The following ZNF614 variants were observed in gnomAD, a reference collection of about 807,000 sequenced individuals.
ZNF614 encodes zinc finger protein 614.
In ZNF614, 11 loss-of-function variants were observed where a neutral mutation model predicts 12.8. The observed-to-expected ratio is 0.86, with a 90% confidence interval of 0.54 to 1.43. ZNF614 has a LOEUF of 1.43. ZNF614 is among the 40% of genes most tolerant of loss of function. ZNF614 has a pLI of 0.00. For synonymous variants in ZNF614, 237 were observed against 237.5 expected, an observed-to-expected ratio of 1.00 and a Z score of 0.02; for missense variants, 664 against 708.8, an observed-to-expected ratio of 0.94 and a Z score of 0.72.
chr19:52,018,598 T>C (rs2086915685), intron 2 of ZNF614, 104 bp from the exon 3 acceptor site: 2 of 1,219,252 alleles, frequency 1.6e-6, no homozygotes, highest in African/African-American at 3.1e-5. Context: ...TGCATCTATA[T>C]TCCTTTCTCA....
intron 2 of ZNF614, among the ~76,000 whole-genome samples, chr19:52,023,933 G>A (rs575909172): frequency 6.6e-6 from 1 of 152,262 alleles, no homozygotes; most frequent in East Asian, 1.9e-4. Flanking sequence ...CCTGACCTCT[G>A]TGGAAGGGAG....
At chr19:52,026,604 GACCGTCCCCTACCCCGAC>G (rs1279264837) in intron 1 of ZNF614, among the ~76,000 whole-genome samples, 1 of 152,176 alleles carries the variant, frequency 6.6e-6, no homozygotes. Flanking sequence ...GGAAAGACCT[GACCGTCCCCTACCCCGAC>G]ACCTGTAAAG....
chr19:52,015,721 GGCA>G lies in ZNF614; in HGVS notation c.*116_*118del. ...GAGGACAGACACACATCTGTCAACA[GGCA>G]GCACCATGTTTATGTTCCAATTGGC... On this transcript the variant is annotated 3_prime_UTR_variant, in exon 5 of 5. Transcript: ENST00000270649. 1 of 958,434 alleles carries G rather than the reference GGCA, an allele frequency of 1.0e-6. No homozygotes were observed. The highest frequency in any genetic ancestry group is 1.6e-5 in the South Asian group (1 of 61,770). 59.4% of individuals were successfully genotyped at this position (958,434 alleles called of 1,614,324 possible). A position where few individuals can be genotyped will look rare whatever the true frequency, so the allele number is the denominator to read the frequency against.
At chr19:52,022,432 G>A (rs943166894) in intron 2 of ZNF614, among the ~76,000 whole-genome samples, 2 of 152,032 alleles carry the variant, frequency 1.3e-5, no homozygotes, top group African/African-American at 2.4e-5. Context: ...CCTGGCCCCC[G>A]CAACGTCTGG....
intron 3 of ZNF614, 22 bp downstream of exon 3, chr19:52,018,346 G>A (rs2086913499): frequency 6.2e-7 from 1 of 1,613,690 alleles, no homozygotes; most frequent in Non-Finnish European, 8.5e-7. Context: ...ACCTCTAGGT[G>A]ACACAGGGAA....
chr19:52,023,161 A>G (rs957155454), intron 2 of ZNF614, among the ~76,000 whole-genome samples: 2 of 143,786 alleles, frequency 1.4e-5, no homozygotes, highest in Non-Finnish European at 3.0e-5. Context: ...AACAATAATA[A>G]TAATAAATAA....
Position 52,028,368 on chromosome 19 carries a change from G to A in ZNF614, c.-343C>T, listed in dbSNP as rs528478378. ...AGCTGAGCGGTAAAGACCGTGAAGC[G>A]AGGCGAGGACCACGGAGCCTGCCCG... On this transcript the variant is annotated 5_prime_UTR_variant, in exon 1 of 5. Transcript: ENST00000270649. 6.6e-6 allele frequency: 1 copy of A among 152,336 alleles called. No individual in the cohort carries two copies. Among genetic ancestry groups the A allele is most frequent in the African/African-American group, 2.4e-5 (1 of 41,484 alleles). 9.4% of individuals were successfully genotyped at this position (152,336 alleles called of 1,614,324 possible).
intron 2 of ZNF614, among the ~76,000 whole-genome samples, chr19:52,023,078 CAAAAAAAAAAAAAGA>C (rs2086942209): frequency 2.3e-5 from 1 of 43,300 alleles, no homozygotes; most frequent in African/African-American, 8.2e-5. Flanking sequence ...GACGCCATCT[CAAAAAAAAAAAAAGA>C]AAAAAAAAAA....
chr19:52,019,054 T>C (rs1192189634), intron 2 of ZNF614, among the ~76,000 whole-genome samples: 2 of 152,100 alleles, frequency 1.3e-5, no homozygotes, highest in Non-Finnish European at 2.9e-5. Flanking sequence ...GGTCTTGTTA[T>C]GTTGACCAGG....
At chr19:52,020,703 A>G (rs1030562002) in intron 2 of ZNF614, among the ~76,000 whole-genome samples, 4 of 152,274 alleles carry the variant, frequency 2.6e-5, no homozygotes, top group Admixed American at 2.6e-4. Context: ...GCTTTTTGGC[A>G]TGGGCAGCCC....
At chr19:52,017,699 TAAA>T (rs76651142) in intron 4 of ZNF614, 442 of 210,690 alleles carry the variant, frequency 2.1e-3, no homozygotes, top group South Asian at 3.4e-3. Context: ...AGACTCAGTC[TAAA>T]AAAAAAAAAA....
chr19:52,026,545 T>C (rs565296388), intron 1 of ZNF614, among the ~76,000 whole-genome samples: 1 of 152,162 alleles, frequency 6.6e-6, no homozygotes. Context: ...CCAGGTATTG[T>C]CCAAGGTTTC....
chr19:52,017,483 C>T, intron 4 of ZNF614, 124 bp from the exon 5 acceptor site: 1 of 874,310 alleles, frequency 1.1e-6, no homozygotes. Context: ...GCGGGCAGAT[C>T]ACGAGGTCAG....
At chr19:52,023,960 G>C (rs1336853858) in intron 2 of ZNF614, among the ~76,000 whole-genome samples, 1 of 152,128 alleles carries the variant, frequency 6.6e-6, no homozygotes, top group Non-Finnish European at 1.5e-5. Flanking sequence ...TGGAAATTGA[G>C]CTTACCACCA....
At chr19:52,020,800 G>A (rs746397313) in intron 2 of ZNF614, among the ~76,000 whole-genome samples, 13 of 152,260 alleles carry the variant, frequency 8.5e-5, no homozygotes, top group Non-Finnish European at 1.8e-4. Context: ...TATCAAATAT[G>A]AGTGGCCCAC....
chr19:52,015,938 G>A lies in ZNF614; in HGVS notation c.1660C>T (p.Leu554Phe), dbSNP rs779585934. The A allele has an allele frequency of 6.2e-7, 1 of 1,614,146 alleles. No homozygotes were observed. Among genetic ancestry groups the A allele is most frequent in the Non-Finnish European group, 8.5e-7 (1 of 1,180,018 alleles). The change falls in exon 5 of 5, where the codon CTT (leucine) becomes TTT (phenylalanine). Residue 554 changes from leucine to phenylalanine, a missense_variant. Coordinates refer to ENST00000270649, the MANE Select transcript of ZNF614 (RefSeq NM_025040.4). ...GTGTGCATTTTCTTATGTTTGACAA[G>A]GTTTGATAAGTGGGAGAAGGCTTTC... ...CEKAFSHLSNLVKHKKMHTRE... is the reference protein window; with the variant it reads ...CEKAFSHLSNFVKHKKMHTRE...
intron 2 of ZNF614, among the ~76,000 whole-genome samples, chr19:52,019,439 C>T (rs2086921153): frequency 6.6e-6 from 1 of 152,000 alleles, no homozygotes; most frequent in Non-Finnish European, 1.5e-5. Context: ...TATTTCAGAA[C>T]TAAATACCTC....
At position 52,016,620 on chromosome 19, in the gene ZNF614, C is replaced by T; in HGVS notation, c.978G>A (p.Val326=). ...GCTGATGTACAATGAGATTGCTCTT[C>T]ACAGTGAAACCTTTTCCACATTCTT... is the stretch of plus-strand genomic sequence containing the variant. The part of the protein sequence containing the change: ...VCKECGKGFT[V]KSNLIVHQRT... Residue 326 remains valine, a synonymous_variant, in exon 5 of 5, where the codon GTG becomes GTA. Transcript: ENST00000270649. 1 of 1,614,172 alleles carries T rather than the reference C, an allele frequency of 6.2e-7. No homozygotes were observed. The highest frequency in any genetic ancestry group is 8.5e-7 in the Non-Finnish European group (1 of 1,180,028).
intron 2 of ZNF614, among the ~76,000 whole-genome samples, chr19:52,021,142 C>T: frequency 6.6e-6 from 1 of 152,102 alleles, no homozygotes; most frequent in South Asian, 2.1e-4. Flanking sequence ...GACAAACAGA[C>T]AGGTAGAAAC....
Sources: gnomAD v4.1 joint callset for allele counts (sites outside exome capture counted in the v4.1 genomes callset) on GRCh38, gnomAD v4.1.1 for gene constraint, MANE v1.5 for transcripts, NCBI Gene and HGNC (gene_info 2026-07-23, HGNC 2026-07-21) for gene names.